Variants in MTOR observed in about 807,000 individuals in gnomAD.
The protein encoded by MTOR is serine/threonine-protein kinase mTOR.
Under a neutral mutation model 319.8 loss-of-function variants are expected in MTOR, and 70 were observed. The observed-to-expected ratio is 0.22, with a 90% confidence interval of 0.18 to 0.27. MTOR has a LOEUF of 0.27. Ranked by LOEUF, MTOR falls within the 10% of genes least tolerant of loss-of-function variation. MTOR has a pLI of 1.00. For synonymous variants in MTOR, 1,183 were observed against 1,211.4 expected, an observed-to-expected ratio of 0.98 and a Z score of 0.49; for missense variants, 1,890 against 3,274.4, an observed-to-expected ratio of 0.58 and a Z score of 10.32.
rs1446911755 is a variant in MTOR, at chr1:11,180,816, C to T, written c.4254-13299G>A. On this transcript the variant is annotated intron_variant, in intron 28 of 57. Transcript: ENST00000361445. ...TTTTTTTGACGGAGTCTTGCTCTGTCGCCAGGCTGGAGTGCAGCGGTGCGA... is the reference window on the plus strand; with the variant it reads ...TTTTTTTGACGGAGTCTTGCTCTGTTGCCAGGCTGGAGTGCAGCGGTGCGA... Among the ~76,000 whole-genome samples, 5 of 147,806 alleles carry T rather than the reference C, an allele frequency of 3.4e-5. No homozygotes were observed. In the Admixed American group the frequency reaches 3.4e-4, roughly 10 times the overall value.
chr1:11,132,548 T>C (rs1643213175), intron 38 of MTOR: 2 of 152,732 alleles, frequency 1.3e-5, no homozygotes, highest in Admixed American at 6.5e-5. Context: ...TCACCAAAGA[T>C]ATACACTTCC....
intron 36 of MTOR, among the ~76,000 whole-genome samples, chr1:11,137,790 C>T (rs117343847): frequency 0.011 from 1,717 of 152,288 alleles, 68 homozygotes; most frequent in South Asian, 0.066. Flanking sequence ...ATACCCATAG[C>T]CTGATGCCTT....
chr1:11,130,505 T>TA, intron 39 of MTOR, 24 bp downstream of exon 39: 1 of 1,603,046 alleles, frequency 6.2e-7, no homozygotes, highest in Non-Finnish European at 8.5e-7. Flanking sequence ...GGTTGGTTGT[T>TA]AATAAGGAAG....
chr1:11,189,629 T>C, intron 28 of MTOR: 1 of 1,614,018 alleles, frequency 6.2e-7, no homozygotes. Context: ...ATTTTCATCG[T>C]GGCCTTTGTC....
In MTOR at chr1:11,204,596, G is replaced by A. The variant is rs2100764937; in HGVS notation, c.3909C>T (p.Cys1303=). ...GGTTGTAGGCCTGTGCCAGGGCCCA[G>A]CAGGAGCGCAGGGAGGGCGATGATG... ...KDSSSPSLRS[C]WALAQAYNPM... The change falls in exon 26 of 58, where the codon TGC becomes TGT. Residue 1303 remains cysteine (C), a synonymous_variant. Coordinates refer to ENST00000361445, the MANE Select transcript of MTOR (RefSeq NM_004958.4). The A allele has an allele frequency of 6.2e-7, 1 of 1,614,222 alleles. No homozygotes were observed. The highest frequency in any genetic ancestry group is 2.2e-5 in the East Asian group (1 of 44,884).
intron 29 of MTOR, among the ~76,000 whole-genome samples, chr1:11,162,475 A>G (rs1410395987): frequency 6.6e-6 from 1 of 152,246 alleles, no homozygotes; most frequent in Non-Finnish European, 1.5e-5. Flanking sequence ...TCCAAGGCAC[A>G]TAATTGTCAG....
chr1:11,129,951 A>G lies in MTOR; in HGVS notation c.5614-113T>C. 1 of 841,060 alleles carries G rather than the reference A, an allele frequency of 1.2e-6. No individual in the cohort carries two copies. Among genetic ancestry groups the G allele is most frequent in the Non-Finnish European group, 1.9e-6 (1 of 519,594 alleles). The allele number at this position is 841,060 out of a possible 1,614,324, so 52.1% of individuals were successfully genotyped here. On this transcript the variant is annotated intron_variant, in intron 39 of 57. Transcript: ENST00000361445. The surrounding 1 kb of genome is among the most constrained non-coding windows in gnomAD (Gnocchi z 4.7). Reference sequence around the variant, plus strand: ...TTCAAAGGGTGGTTATAACAATTAAATCGGTTAATGCATGAAAAATCTTTA... The same window carrying G: ...TTCAAAGGGTGGTTATAACAATTAAGTCGGTTAATGCATGAAAAATCTTTA...
At chr1:11,178,896 C>T (rs1340407768) in intron 28 of MTOR, among the ~76,000 whole-genome samples, 2 of 152,194 alleles carry the variant, frequency 1.3e-5, no homozygotes, top group African/African-American at 2.4e-5. Context: ...CAAGCTGGCA[C>T]CTAGTGATCT....
Position 11,237,905 on chromosome 1 carries a change from C to G in MTOR, c.2146G>C (p.Gly716Arg). ...GCAGGGTTCATGCTACTGAGTCGGC[C>G]CACAGTGCAGATGGCCAGCTCCCGG... ...EIRELAICTV[G>R]RLSSMNPAFV... The change falls in exon 13 of 58, where the codon GGC becomes CGC. Residue 716 changes from glycine (G) to arginine (R), a missense_variant. Transcript: ENST00000361445. The G allele has an allele frequency of 6.2e-7, 1 of 1,614,134 alleles. No homozygotes were observed. Among genetic ancestry groups the G allele is most frequent in the Non-Finnish European group, 8.5e-7 (1 of 1,180,046 alleles).
At position 11,175,770 on chromosome 1, in the gene MTOR, G is replaced by T. The variant is rs201574068; in HGVS notation, c.4254-8253C>A. 4.3e-4 allele frequency among the ~76,000 whole-genome samples: 58 copies of T among 136,026 alleles called. No individual in the cohort carries two copies. In the East Asian group the frequency reaches 0.011, roughly 26 times the overall value. The allele number at this position is 136,026 out of a possible 152,430, so 89.2% of individuals were successfully genotyped here. ...GGTTTTTTTTTTTTTTTTGAGACAG[G>T]GTCTCACTCTGTCACCCAGACTGGA... On this transcript the variant is annotated intron_variant, in intron 28 of 57. Transcript: ENST00000361445.
At chr1:11,189,536 G>T in intron 28 of MTOR, 3 of 1,541,484 alleles carry the variant, frequency 1.9e-6, no homozygotes, top group Non-Finnish European at 2.6e-6. Flanking sequence ...GGCATCTCCA[G>T]ACTCCCCTGA....
chr1:11,130,490 A>C (rs1306182764), intron 39 of MTOR, 39 bp downstream of exon 39: 8 of 1,595,230 alleles, frequency 5.0e-6, no homozygotes, highest in Non-Finnish European at 6.8e-6. Flanking sequence ...AGAGCCTGGC[A>C]CCTTGGTTGG....
At chr1:11,244,320 C>G (rs1178896161) in intron 8 of MTOR, among the ~76,000 whole-genome samples, 2 of 93,024 alleles carry the variant, frequency 2.1e-5, no homozygotes, top group East Asian at 9.6e-4. Flanking sequence ...AAAAAAAGAC[C>G]CCATCTCAAA....
rs751872627 is a variant in MTOR at position 11,233,425 on chromosome 1, G to A, written c.2394C>T (p.Val798=). Residue 798 remains valine (V), a synonymous_variant, in exon 15 of 58, where the codon GTC becomes GTT. Coordinates refer to ENST00000361445, the MANE Select transcript of MTOR (RefSeq NM_004958.4). ...GTGCCAATTCTCCTATTGTTGCCAG[G>A]ACATTATTGATCACACCTGGGTTTG... ...PDPNPGVINN[V]LATIGELAQV... The A allele has an allele frequency of 6.2e-7, 1 of 1,614,034 alleles. No individual in the cohort carries two copies. Among genetic ancestry groups the A allele is most frequent in the South Asian group, 1.1e-5 (1 of 91,076 alleles).
In MTOR at chr1:11,247,864, C is replaced by T. The variant is rs2100939841; in HGVS notation, c.1071G>A (p.Val357=). Residue 357 remains valine, a synonymous_variant, in exon 7 of 58, where the codon GTG becomes GTA. Coordinates refer to ENST00000361445, the MANE Select transcript of MTOR (RefSeq NM_004958.4). ...TSPSPAKSTL[V]ESRCCRDLME... is the part of the protein sequence containing the mutation. The stretch of plus-strand genomic sequence containing the variant: ...TCAAGTCTCTGCAACACCGGCTCTC[C>T]ACCAGGGTGGACTTAGCTGGACTGG... The T allele has an allele frequency of 1.2e-6, 2 of 1,614,152 alleles. No homozygotes were observed. The highest frequency in any genetic ancestry group is 1.7e-6 in the Non-Finnish European group (2 of 1,180,002).
chr1:11,213,345 A>G (rs1420769763), intron 21 of MTOR, 54 bp downstream of exon 21: 1 of 1,571,154 alleles, frequency 6.4e-7, no homozygotes, highest in Non-Finnish European at 8.6e-7. Flanking sequence ...CTGATCACCC[A>G]GGGACTCAGA....
intron 29 of MTOR, among the ~76,000 whole-genome samples, chr1:11,164,333 T>TG (rs1644570658): frequency 4.5e-5 from 4 of 88,762 alleles, no homozygotes; most frequent in African/African-American, 2.0e-4. Flanking sequence ...AGACTCTGCC[T>TG]GAAAAAAAAA....
intron 26 of MTOR, among the ~76,000 whole-genome samples, chr1:11,201,683 C>A (rs1317438400): frequency 6.6e-6 from 1 of 152,098 alleles, no homozygotes. Flanking sequence ...CTAAAGATAA[C>A]CATTGCTATA....
chr1:11,193,172 C>A (rs1381986134), intron 28 of MTOR, among the ~76,000 whole-genome samples: 1 of 151,802 alleles, frequency 6.6e-6, no homozygotes. Flanking sequence ...CAAAAATTAG[C>A]CCAGTGTGGT....
Sources: allele counts gnomAD v4.1 joint callset (sites outside exome capture counted in the v4.1 genomes callset), GRCh38; gene constraint gnomAD v4.1.1; non-coding constraint Gnocchi (gnomAD v3.1); transcripts MANE v1.5; gene names NCBI Gene and HGNC (gene_info 2026-07-23, HGNC 2026-07-21).